The following KDM4C variants were observed in gnomAD, a reference collection of about 807,000 sequenced individuals.
KDM4C encodes the protein lysine demethylase 4C, also known as lysine-specific demethylase 4C.
In KDM4C, 81 loss-of-function variants were observed where a neutral mutation model predicts 129.3. The ratio of observed to expected loss-of-function variants is 0.63; its 90% CI spans 0.52 to 0.75. The LOEUF (loss-of-function observed/expected upper bound fraction) is 0.75. Ranked by LOEUF, KDM4C falls within the 30% of genes least tolerant of loss-of-function variation. The pLI is 0.00. For missense variants in KDM4C, 1,457 were observed against 1,304.0 expected, an observed-to-expected ratio of 1.12 and a Z score of -1.81; for synonymous variants, 573 against 456.1, an observed-to-expected ratio of 1.26 and a Z score of -3.26.
chr9:7,151,663 G>C (rs542081458), intron 19 of KDM4C, among the ~76,000 whole-genome samples: 1 of 152,178 alleles, frequency 6.6e-6, no homozygotes, highest in African/African-American at 2.4e-5. Context: ...TGGGCGACAG[G>C]AGTGAGACCC....
intron 15 of KDM4C, among the ~76,000 whole-genome samples, chr9:7,027,794 C>T (rs1000771690): frequency 6.6e-6 from 1 of 152,214 alleles, no homozygotes; most frequent in East Asian, 1.9e-4. Flanking sequence ...TGTGCTGGCA[C>T]TCAAACCAGA....
chr9:6,764,851 C>G (rs1013405765), intron 1 of KDM4C, among the ~76,000 whole-genome samples: 10 of 152,162 alleles, frequency 6.6e-5, no homozygotes, highest in African/African-American at 2.4e-4. Flanking sequence ...TTAAGTATAA[C>G]AAATGTAACT....
chr9:6,881,782 G>A, intron 6 of KDM4C, among the ~76,000 whole-genome samples: 1 of 152,120 alleles, frequency 6.6e-6, no homozygotes, highest in East Asian at 1.9e-4. Context: ...AATAAAGCAG[G>A]GAAAAGACCC....
At chr9:6,875,104 T>C (rs1843355507) in intron 5 of KDM4C, among the ~76,000 whole-genome samples, 2 of 152,112 alleles carry the variant, frequency 1.3e-5, no homozygotes, top group African/African-American at 4.8e-5. Flanking sequence ...CATTTTCTGC[T>C]TTCGTGATTT....
At chr9:7,089,490 T>C (rs951098483) in intron 17 of KDM4C, among the ~76,000 whole-genome samples, 1 of 152,254 alleles carries the variant, frequency 6.6e-6, no homozygotes, top group African/African-American at 2.4e-5. Flanking sequence ...TGAATTTTTC[T>C]ACTTAATAAT....
At chr9:6,806,525 A>G (rs1829997264) in intron 3 of KDM4C, among the ~76,000 whole-genome samples, 5 of 151,698 alleles carry the variant, frequency 3.3e-5, no homozygotes, top group Admixed American at 3.3e-4. Flanking sequence ...AAATAAATAA[A>G]TAAATAAATA....
Position 6,970,135 on chromosome 9 carries a change from C to T in KDM4C, c.922-10790C>T, listed in dbSNP as rs184124043. 4.6e-5 allele frequency among the ~76,000 whole-genome samples: 7 copies of T among 152,268 alleles called. No homozygotes were observed. In the East Asian group the frequency reaches 7.7e-4, roughly 17 times the overall value. On this transcript the variant is annotated intron_variant, in intron 8 of 21. Coordinates refer to ENST00000381309, the MANE Select transcript of KDM4C (RefSeq NM_015061.6). ...TCTTTTTAGTCAGAAAGCATCCTAA[C>T]GAAGAGAAATCTTAGGAACAAATCA...
chr9:6,752,206 G>A (rs1485830559), intron 1 of KDM4C, among the ~76,000 whole-genome samples: 9 of 150,108 alleles, frequency 6.0e-5, no homozygotes, highest in African/African-American at 1.2e-4. Context: ...GGTGGCGCGC[G>A]CCTGTAGTCC....
intron 1 of KDM4C, among the ~76,000 whole-genome samples, chr9:6,725,424 T>G (rs1186882064): frequency 6.6e-6 from 1 of 152,144 alleles, no homozygotes; most frequent in Non-Finnish European, 1.5e-5. Context: ...CCTTGTATAA[T>G]GTTTCTTTTG....
At chr9:6,762,564 G>C (rs1819766101) in intron 1 of KDM4C, among the ~76,000 whole-genome samples, 1 of 150,548 alleles carries the variant, frequency 6.6e-6, no homozygotes, top group Non-Finnish European at 1.5e-5. Context: ...AGACCATTTT[G>C]TGGAGCCTAA....
intron 1 of KDM4C, among the ~76,000 whole-genome samples, chr9:6,791,158 C>A (rs189677110): frequency 6.6e-6 from 1 of 152,236 alleles, no homozygotes; most frequent in East Asian, 1.9e-4. Context: ...ATCACCCAGG[C>A]TGGAGTGCAG....
intron 1 of KDM4C, among the ~76,000 whole-genome samples, chr9:6,777,541 C>G (rs752691049): frequency 3.9e-5 from 6 of 152,132 alleles, no homozygotes; most frequent in Non-Finnish European, 7.4e-5. Flanking sequence ...TAGTGAATGC[C>G]TGTGTTTTAC....
intron 1 of KDM4C, among the ~76,000 whole-genome samples, chr9:6,733,184 C>T (rs1418219508): frequency 6.6e-6 from 1 of 152,180 alleles, no homozygotes; most frequent in Non-Finnish European, 1.5e-5. Flanking sequence ...CCAAATTTGA[C>T]AAAGTTGCTC....
At chr9:7,000,151 G>A (rs1820471675) in intron 12 of KDM4C, among the ~76,000 whole-genome samples, 1 of 152,046 alleles carries the variant, frequency 6.6e-6, no homozygotes, top group Non-Finnish European at 1.5e-5. Context: ...TAATAATTTG[G>A]TGTTCTCAGT....
At chr9:6,745,578 C>CAAAAA (rs57251333) in intron 1 of KDM4C, among the ~76,000 whole-genome samples, 1 of 106,980 alleles carries the variant, frequency 9.3e-6, no homozygotes, top group Non-Finnish European at 2.0e-5. Flanking sequence ...GTCCTGTCTC[C>CAAAAA]AAAAAAAAAA....
chr9:6,817,270 C>T (rs1310539541), intron 4 of KDM4C, among the ~76,000 whole-genome samples: 2 of 137,032 alleles, frequency 1.5e-5, no homozygotes, highest in African/African-American at 5.4e-5. Flanking sequence ...GGCATGATCA[C>T]GGCTCACTGC....
At chr9:7,056,250 C>T (rs543291654) in intron 17 of KDM4C, among the ~76,000 whole-genome samples, 2 of 152,002 alleles carry the variant, frequency 1.3e-5, no homozygotes, top group East Asian at 1.9e-4. Flanking sequence ...TTATTTAACA[C>T]GGCCAGTATA....
chr9:7,035,809 A>G (rs1376824480), intron 15 of KDM4C, among the ~76,000 whole-genome samples: 2 of 152,032 alleles, frequency 1.3e-5, no homozygotes, highest in African/African-American at 4.8e-5. Context: ...ATGTGGGGTA[A>G]TTTCTGGGCT....
At chr9:7,137,288 C>T (rs1841314382) in intron 19 of KDM4C, among the ~76,000 whole-genome samples, 1 of 152,170 alleles carries the variant, frequency 6.6e-6, no homozygotes, top group Non-Finnish European at 1.5e-5. Context: ...TATGAATATC[C>T]ATGACATCAT....
Sources: gnomAD v4.1 joint callset for allele counts (sites outside exome capture counted in the v4.1 genomes callset) on GRCh38, gnomAD v4.1.1 for gene constraint, MANE v1.5 for transcripts, NCBI Gene and HGNC (gene_info 2026-07-23, HGNC 2026-07-21) for gene names.